Variants in TSPAN32 observed in about 807,000 individuals in gnomAD.
TSPAN32 encodes the protein tetraspanin 32.
TSPAN32 carries 47 observed loss-of-function variants against 42.7 expected under a neutral mutation model. The observed-to-expected ratio is 1.10, with a 90% CI of 0.87 to 1.40. The LOEUF (loss-of-function observed/expected upper bound fraction) is 1.40. Among genes scored for constraint, TSPAN32 ranks in the 40% most tolerant of loss-of-function variants. The probability of loss-of-function intolerance (pLI) is 0.00; values close to 1 mark genes in which losing one functional copy is unlikely to be tolerated. For synonymous variants in TSPAN32, 175 were observed against 175.9 expected (o/e 0.99, Z 0.04); for missense variants, 469 against 424.1 (o/e 1.11, Z -0.93).
In TSPAN32 at chr11:2,302,514, C is replaced by G. The variant is rs144332868; in HGVS notation, c.66+299C>G. Among the ~76,000 whole-genome samples, 335 of 152,284 alleles carry G rather than the reference C, an allele frequency of 2.2e-3. 1 individual carries two copies. The highest frequency in any genetic ancestry group is 7.7e-3 in the African/African-American group (321 of 41,566). ...GCACTGGCTGCCGGGCTCCAGGGAT[C>G]TTCTCCCCTTCCTGCCCCGGAGGGT... On this transcript the variant is annotated intron_variant, in intron 1 of 9. Transcript: ENST00000182290.
At chr11:2,307,725 G>A (rs905882947) in intron 3 of TSPAN32, among the ~76,000 whole-genome samples, 31 of 152,180 alleles carry the variant, frequency 2.0e-4, no homozygotes, top group Admixed American at 3.3e-4. Flanking sequence ...TGCCGGGGGC[G>A]GGTGCGCAGA....
rs1209083378 is a variant in TSPAN32, at chr11:2,313,721, T to A, written c.422T>A (p.Val141Asp). ...CAGGCGATGAAAGGTACGTCCCACG[T>A]CCGGCGGCAGGAGCTGGCGGCCATC... ...YEQAMKGTSHVRRQELAAIQD... is the reference protein window; with the variant it reads ...YEQAMKGTSHDRRQELAAIQD... Residue 141 changes from valine (V) to aspartate (D), a missense_variant, in exon 5 of 10, where the codon GTC becomes GAC. Physicochemically the swap from Val to Asp is radical, Grantham distance 152 (BLOSUM62 -3). Transcript: ENST00000182290. This position sits in a 1 kb window ranked among gnomAD's most constrained non-coding sequence, Gnocchi z 9.1. The A allele has an allele frequency of 1.2e-6, 2 of 1,606,726 alleles. No individual in the cohort carries two copies. The highest frequency in any genetic ancestry group is 2.7e-5 in the African/African-American group (2 of 74,832).
Position 2,302,900 on chromosome 11 carries a change from T to C in TSPAN32, c.123T>C (p.Phe41=), listed in dbSNP as rs576767301. 6.2e-7 allele frequency: 1 copy of C among 1,613,702 alleles called. No homozygotes were observed. Among genetic ancestry groups the C allele is most frequent in the African/African-American group, 1.3e-5 (1 of 75,060 alleles). The change falls in exon 2 of 10, where the codon TTT becomes TTC. Residue 41 remains phenylalanine, a synonymous_variant. Transcript: ENST00000182290. ...CTCTTACCTACTTCGGGGCCCACTTTGCTGTCATCCGCCGAGCGTCCCTGG... is the reference window on the plus strand; with the variant it reads ...CTCTTACCTACTTCGGGGCCCACTTCGCTGTCATCCGCCGAGCGTCCCTGG... ...MVTLTYFGAH[F]AVIRRASLEK... is the part of the protein sequence containing the mutation.
At position 2,304,914 on chromosome 11, in the gene TSPAN32, T is replaced by C. The variant is rs992275894; in HGVS notation, c.279+710T>C. On this transcript the variant is annotated intron_variant, in intron 3 of 9. Transcript: ENST00000182290. This position sits in a 1 kb window ranked among gnomAD's most constrained non-coding sequence, Gnocchi z 4.8. ...CACAGCCCTCTTCTCTCACCCCAGCTGGGGCAGCTCCTCCCTGGCGCCCCG... is the reference window on the plus strand; with the variant it reads ...CACAGCCCTCTTCTCTCACCCCAGCCGGGGCAGCTCCTCCCTGGCGCCCCG... 1.3e-5 allele frequency among the ~76,000 whole-genome samples: 2 copies of C among 152,122 alleles called. No homozygotes were observed. The highest frequency in any genetic ancestry group is 4.8e-5 in the African/African-American group (2 of 41,442).
chr11:2,310,807 G>A (rs808963), intron 4 of TSPAN32, among the ~76,000 whole-genome samples: 116,198 of 152,154 alleles, frequency 0.76, 45,967 homozygotes, highest in Non-Finnish European at 0.89. Flanking sequence ...CCTCCAGGAC[G>A]TGGGACTTGC....
At chr11:2,308,425 G>GC (rs1326903578) in intron 3 of TSPAN32, among the ~76,000 whole-genome samples, 5 of 68,530 alleles carry the variant, frequency 7.3e-5, no homozygotes, top group Admixed American at 2.0e-4. Flanking sequence ...ACAGTGACCG[G>GC]CCCCCCGCAG....
At chr11:2,312,225 G>A (rs1212942561) in intron 4 of TSPAN32, among the ~76,000 whole-genome samples, 1 of 152,244 alleles carries the variant, frequency 6.6e-6, no homozygotes, top group Non-Finnish European at 1.5e-5. Context: ...CATTGGAGTT[G>A]GGAGGGAAGC....
chr11:2,309,109 C>T (rs932575251), intron 4 of TSPAN32, among the ~76,000 whole-genome samples: 1 of 152,034 alleles, frequency 6.6e-6, no homozygotes, highest in Non-Finnish European at 1.5e-5. Context: ...GAGCTGATGC[C>T]CCTCGGGTTT....
Position 2,316,640 on chromosome 11 carries a change from G to C in TSPAN32, c.692G>C (p.Arg231Pro), listed in dbSNP as rs750103889. ...ATCCGCTGTGGCTGCAGCTTGGACCGCAAGGGCAAATACACCCTGACCCCA... is the reference window on the plus strand; with the variant it reads ...ATCCGCTGTGGCTGCAGCTTGGACCCCAAGGGCAAATACACCCTGACCCCA... ...FAIRCGCSLD[R>P]KGKYTLTPRA... Residue 231 changes from arginine to proline, a missense_variant, in exon 8 of 10, where the codon CGC (arginine) becomes CCC (proline). Coordinates refer to ENST00000182290, the MANE Select transcript of TSPAN32 (RefSeq NM_139022.3). 18 of 1,541,512 alleles carry C rather than the reference G, an allele frequency of 1.2e-5. No individual in the cohort carries two copies. The highest frequency in any genetic ancestry group is 1.6e-5 in the Non-Finnish European group (18 of 1,142,018).
chr11:2,302,865 A>T lies in TSPAN32; in HGVS notation c.88A>T (p.Thr30Ser), dbSNP rs756540607. The T allele has an allele frequency of 3.2e-5, 51 of 1,613,430 alleles. No homozygotes were observed. The highest frequency in any genetic ancestry group is 4.2e-5 in the Non-Finnish European group (49 of 1,179,830). The change falls in exon 2 of 10, where the codon ACC becomes TCC. Residue 30 changes from threonine (T) to serine (S), a missense_variant. Coordinates refer to ENST00000182290, the MANE Select transcript of TSPAN32 (RefSeq NM_139022.3). ...ACAGCTGCTGGGCCTCTCTGTGGCC[A>T]CCATGGTGACTCTTACCTACTTCGG... ...FILLLGLSVATMVTLTYFGAH... is the reference protein window; with the variant it reads ...FILLLGLSVASMVTLTYFGAH...
intron 2 of TSPAN32, 151 bp downstream of exon 2, chr11:2,303,109 G>T (rs1847861725): frequency 4.5e-6 from 3 of 667,124 alleles, no homozygotes; most frequent in East Asian, 2.8e-5. Context: ...CTGCCCTGGA[G>T]TCCTAGCTCC....
intron 3 of TSPAN32, among the ~76,000 whole-genome samples, chr11:2,305,375 C>CCA (rs201991524): frequency 1.3e-5 from 2 of 149,500 alleles, no homozygotes; most frequent in African/African-American, 4.9e-5. Flanking sequence ...AGTCTGCCCC[C>CCA]CCCCCCAGAG....
intron 4 of TSPAN32, among the ~76,000 whole-genome samples, chr11:2,310,775 G>T (rs536609753): frequency 6.6e-6 from 1 of 152,200 alleles, no homozygotes; most frequent in Non-Finnish European, 1.5e-5. Context: ...GCCTCCTGCC[G>T]TGCCCCGTTG....
At chr11:2,309,984 A>C (rs2521279) in intron 4 of TSPAN32, 135,985 of 152,964 alleles carry the variant, frequency 0.89, 61,347 homozygotes, top group Non-Finnish European at 0.93. Context: ...ACACCATTTT[A>C]TCAGGCCCAG....
Position 2,317,767 on chromosome 11 carries a change from G to A in TSPAN32, c.902-96G>A. 6.4e-7 allele frequency: 1 copy of A among 1,552,830 alleles called. No homozygotes were observed. The highest frequency in any genetic ancestry group is 8.6e-7 in the Non-Finnish European group (1 of 1,156,498). The stretch of plus-strand genomic sequence containing the variant: ...ACACTGGTGGCCCACGGCCTGGAGG[G>A]CTCCACCCAGACACAAGCTGCACTG... On this transcript the variant is annotated intron_variant, in intron 9 of 9. Transcript: ENST00000182290. This position sits in a 1 kb window ranked among gnomAD's most constrained non-coding sequence, Gnocchi z 6.2.
chr11:2,311,488 G>A (rs1309099800), intron 4 of TSPAN32, among the ~76,000 whole-genome samples: 1 of 152,170 alleles, frequency 6.6e-6, no homozygotes, highest in Non-Finnish European at 1.5e-5. Context: ...AGTGTGGGGT[G>A]CAGCCTCGTC....
Position 2,316,265 on chromosome 11 carries a change from C to T in TSPAN32, c.580C>T (p.His194Tyr). ...GGGCATCCGGAGCTTCCTGAGGACA[C>T]ACCAGCAGGTCGCCTCCAGCCTGAC... ...LQGIRSFLRT[H>Y]QQVASSLTSI... The change falls in exon 7 of 10, where the codon CAC (histidine) becomes TAC (tyrosine). Residue 194 changes from histidine (H) to tyrosine (Y), a missense_variant. Coordinates refer to ENST00000182290, the MANE Select transcript of TSPAN32 (RefSeq NM_139022.3). The T allele has an allele frequency of 6.2e-7, 1 of 1,603,584 alleles. No individual in the cohort carries two copies. The highest frequency in any genetic ancestry group is 8.5e-7 in the Non-Finnish European group (1 of 1,176,442).
At chr11:2,315,195 C>A in intron 6 of TSPAN32, 5 of 1,083,586 alleles carry the variant, frequency 4.6e-6, no homozygotes, top group Non-Finnish European at 5.8e-6. Context: ...CTGCTCCCCT[C>A]CCCGCTCCCC....
In TSPAN32 at chr11:2,306,066, G is replaced by GTGTGTGTGTA. The variant is rs1848067603; in HGVS notation, c.279+1867_279+1868insGTGTATGTGT. Among the ~76,000 whole-genome samples, 9 of 152,076 alleles carry GTGTGTGTGTA rather than the reference G, an allele frequency of 5.9e-5. No homozygotes were observed. The South Asian group carries it at 1.2e-3, about 21-fold the overall frequency. ...TGCCTCTGTGTGTGTGTGTGTGTGT[G>GTGTGTGTGTA]TGTGTAAGTATCTGTCACCGGTCTT... On this transcript the variant is annotated intron_variant, in intron 3 of 9. Transcript: ENST00000182290.
Sources: allele counts gnomAD v4.1 joint callset (sites outside exome capture counted in the v4.1 genomes callset), GRCh38; gene constraint gnomAD v4.1.1; non-coding constraint Gnocchi (gnomAD v3.1); transcripts MANE v1.5; gene names NCBI Gene and HGNC (gene_info 2026-07-23, HGNC 2026-07-21).